Variants in FRMD6 observed in about 807,000 individuals in gnomAD.
The protein encoded by FRMD6 is FERM domain-containing protein 6.
Under a neutral mutation model 73.2 loss-of-function variants are expected in FRMD6, and 37 were observed. The observed-to-expected ratio is 0.51, with a 90% confidence interval of 0.39 to 0.66. The LOEUF is 0.66. FRMD6 is among the 30% of genes least tolerant of loss of function. The pLI is 0.00. For synonymous variants in FRMD6, 273 were observed against 282.2 expected (o/e 0.97, Z 0.33); for missense variants, 714 against 780.5 (o/e 0.91, Z 1.02).
chr14:51,410,123 C>A, the FRMD6 span, among the ~76,000 whole-genome samples: 2 of 152,054 alleles, frequency 1.3e-5, no homozygotes, highest in Non-Finnish European at 2.9e-5. Flanking sequence ...CAAATTATCC[C>A]AACAAAAAAG....
chr14:51,624,272 C>A (rs1229527060), intron 2 of FRMD6, among the ~76,000 whole-genome samples: 1 of 152,088 alleles, frequency 6.6e-6, no homozygotes, highest in African/African-American at 2.4e-5. Context: ...ATGTAACAAA[C>A]CTTCACATCC....
chr14:51,685,412 A>G (rs975586940), intron 1 of FRMD6, among the ~76,000 whole-genome samples: 3 of 152,172 alleles, frequency 2.0e-5, no homozygotes, highest in African/African-American at 7.2e-5. Flanking sequence ...CACCATCTAT[A>G]TCATATGCTT....
chr14:51,484,495 C>G (rs774127065), upstream of FRMD6, among the ~76,000 whole-genome samples: 2 of 151,730 alleles, frequency 1.3e-5, no homozygotes, highest in African/African-American at 4.8e-5. Context: ...AAGAAAACTT[C>G]ACTACCACCA....
the FRMD6 span, among the ~76,000 whole-genome samples, chr14:51,405,177 T>C: frequency 6.6e-6 from 1 of 152,216 alleles, no homozygotes; most frequent in South Asian, 2.1e-4. Flanking sequence ...AATCTGTCAT[T>C]GATGGGCATT....
chr14:51,622,353 G>A (rs1471068218), intron 2 of FRMD6, among the ~76,000 whole-genome samples: 2 of 152,046 alleles, frequency 1.3e-5, no homozygotes, highest in African/African-American at 2.4e-5. Flanking sequence ...CACGAACAGG[G>A]TGCAAATCAG....
At chr14:51,480,287 A>G in the FRMD6 span, among the ~76,000 whole-genome samples, 2 of 152,224 alleles carry the variant, frequency 1.3e-5, no homozygotes, top group Non-Finnish European at 2.9e-5. Flanking sequence ...GTATACGTAC[A>G]TGTGTATTTA....
chr14:51,498,728 T>C (rs1223999288), intron 1 of FRMD6, among the ~76,000 whole-genome samples: 1 of 152,148 alleles, frequency 6.6e-6, no homozygotes, highest in Non-Finnish European at 1.5e-5. Flanking sequence ...CTTCTAACCA[T>C]GATCACATCT....
At chr14:51,674,212 A>G (rs574635124) in intron 1 of FRMD6, among the ~76,000 whole-genome samples, 11 of 152,316 alleles carry the variant, frequency 7.2e-5, no homozygotes, top group East Asian at 1.9e-4. Context: ...AAAGCCCACT[A>G]TGAGGAGCAA....
the FRMD6 span, among the ~76,000 whole-genome samples, chr14:51,427,829 C>T: frequency 6.6e-6 from 1 of 152,208 alleles, no homozygotes; most frequent in Non-Finnish European, 1.5e-5. Context: ...GGAGTATCTA[C>T]ACCACAGAAA....
chr14:51,408,803 G>C, the FRMD6 span, among the ~76,000 whole-genome samples: 1 of 152,072 alleles, frequency 6.6e-6, no homozygotes, highest in Non-Finnish European at 1.5e-5. Context: ...TCTGGCATTT[G>C]GGGAGTTTTT....
chr14:51,700,937 G>C (rs781146091), intron 3 of FRMD6, 119 bp from the exon 4 acceptor site: 4 of 473,976 alleles, frequency 8.4e-6, no homozygotes, highest in African/African-American at 4.1e-5. Flanking sequence ...TTTCTAGTAT[G>C]TGCATTCAGA....
At chr14:51,417,217 C>T in the FRMD6 span, among the ~76,000 whole-genome samples, 1 of 152,098 alleles carries the variant, frequency 6.6e-6, no homozygotes, top group Non-Finnish European at 1.5e-5. Context: ...GGTTATTTTG[C>T]CTGTTAGTTG....
chr14:51,611,387 A>G (rs10131203), intron 2 of FRMD6, among the ~76,000 whole-genome samples: 6,500 of 152,258 alleles, frequency 0.043, 212 homozygotes, highest in Admixed American at 0.097. Flanking sequence ...TCCTTCTTCC[A>G]TGGCTCTTGA....
intron 1 of FRMD6, among the ~76,000 whole-genome samples, chr14:51,675,122 G>A (rs1447316137): frequency 6.6e-6 from 1 of 152,104 alleles, no homozygotes; most frequent in African/African-American, 2.4e-5. Context: ...CACACTTGGT[G>A]TAACTGGCAG....
intron 1 of FRMD6, among the ~76,000 whole-genome samples, chr14:51,670,645 T>A (rs972404062): frequency 3.3e-5 from 5 of 151,490 alleles, no homozygotes; most frequent in African/African-American, 1.2e-4. Flanking sequence ...TTTAGTTAGG[T>A]CTTTTTTTTT....
the FRMD6 span, among the ~76,000 whole-genome samples, chr14:51,472,017 C>A: frequency 1.3e-5 from 2 of 152,196 alleles, no homozygotes; most frequent in Non-Finnish European, 2.9e-5. Flanking sequence ...GGGCAGACAC[C>A]AGACCCTATG....
chr14:51,592,875 T>A (rs1268934712), intron 2 of FRMD6, among the ~76,000 whole-genome samples: 1 of 152,238 alleles, frequency 6.6e-6, no homozygotes. Context: ...AATGATTTTT[T>A]AAATATATGT....
chr14:51,676,830 A>G (rs1297054708), intron 1 of FRMD6, among the ~76,000 whole-genome samples: 1 of 152,142 alleles, frequency 6.6e-6, no homozygotes, highest in Non-Finnish European at 1.5e-5. Context: ...CCTCCCCCAC[A>G]TTACAATTTT....
At chr14:51,708,374 CT>C in intron 7 of FRMD6, 141 bp downstream of exon 7, 1 of 833,274 alleles carries the variant, frequency 1.2e-6, no homozygotes, top group Non-Finnish European at 1.8e-6. Flanking sequence ...CATTGAACTG[CT>C]TTTTGTTATC....
Sources: allele counts gnomAD v4.1 joint callset (sites outside exome capture counted in the v4.1 genomes callset), GRCh38; gene constraint gnomAD v4.1.1; transcripts MANE v1.5; gene names NCBI Gene and HGNC (gene_info 2026-07-23, HGNC 2026-07-21).